The following PRKAG2 variants were observed in gnomAD, a reference collection of about 807,000 sequenced individuals.
The protein encoded by PRKAG2 is 5'-AMP-activated protein kinase subunit gamma-2.
A neutral mutation model predicts 69.6 loss-of-function variants in PRKAG2; 26 were observed. That is an observed-to-expected ratio of 0.37 (90% CI 0.27 to 0.52). The LOEUF is 0.52. Ranked by LOEUF, PRKAG2 falls within the 20% of genes least tolerant of loss-of-function variation. The pLI, the probability that PRKAG2 is intolerant of heterozygous loss-of-function variation, is 0.90. For missense variants in PRKAG2, 557 were observed against 740.0 expected (o/e 0.75, Z 2.87); for synonymous variants, 293 against 285.0 (o/e 1.03, Z -0.28).
intron 6 of PRKAG2, among the ~76,000 whole-genome samples, chr7:151,577,793 T>C (rs1227082747): frequency 6.6e-6 from 1 of 152,042 alleles, no homozygotes; most frequent in Non-Finnish European, 1.5e-5. Flanking sequence ...AACATAATTA[T>C]GATGTTTTCA....
chr7:151,797,227 A>ACCCCCCCCCCCCCCCCC (rs55815832), intron 1 of PRKAG2, among the ~76,000 whole-genome samples: 4 of 132,852 alleles, frequency 3.0e-5, no homozygotes, highest in South Asian at 2.5e-4. Context: ...GCTTCTTGCC[A>ACCCCCCCCCCCCCCCCC]CCCCCCCCAC....
At chr7:151,709,370 T>C (rs1475916491) in intron 3 of PRKAG2, among the ~76,000 whole-genome samples, 1 of 152,126 alleles carries the variant, frequency 6.6e-6, no homozygotes, top group East Asian at 1.9e-4. Flanking sequence ...GACATTGATG[T>C]ATACTATATG....
At chr7:151,566,652 C>T (rs1350185958) in intron 11 of PRKAG2, 1 of 424,934 alleles carries the variant, frequency 2.4e-6, no homozygotes, top group Non-Finnish European at 4.7e-6. Flanking sequence ...TTAGAAGAAA[C>T]AAAATGTTCA....
intron 4 of PRKAG2, among the ~76,000 whole-genome samples, chr7:151,655,618 C>A (rs73158141): frequency 0.021 from 3,190 of 152,162 alleles, 90 homozygotes; most frequent in Non-Finnish European, 0.023. Context: ...AATGAGAGGT[C>A]CCTTGTTCAA....
In PRKAG2 at chr7:151,623,478, G is replaced by T. The variant is rs1585299661; in HGVS notation, c.754+8591C>A. On this transcript the variant is annotated intron_variant, in intron 5 of 15. Coordinates refer to ENST00000287878, the MANE Select transcript of PRKAG2 (RefSeq NM_016203.4). The stretch of plus-strand genomic sequence containing the variant: ...CCTATGAGAATCTAATGCTGCTGTT[G>T]ATCTGATAGGAGGCGGAGCTCGGGA... 2.0e-5 allele frequency among the ~76,000 whole-genome samples: 3 copies of T among 149,112 alleles called. No homozygotes were observed. The East Asian group carries it at 6.3e-4, about 31-fold the overall frequency.
intron 1 of PRKAG2, among the ~76,000 whole-genome samples, chr7:151,820,128 A>T (rs1412581657): frequency 6.6e-6 from 1 of 152,226 alleles, no homozygotes; most frequent in Non-Finnish European, 1.5e-5. Context: ...TCCAGTCTGA[A>T]CAAGCTCGAT....
At chr7:151,716,858 G>T (rs552591455) in intron 3 of PRKAG2, among the ~76,000 whole-genome samples, 15 of 152,292 alleles carry the variant, frequency 9.8e-5, no homozygotes, top group African/African-American at 3.1e-4. Context: ...TACACACCCC[G>T]CACCTTCAGC....
In PRKAG2 at chr7:151,562,244, CAAAAAAAAAAAA is replaced by C. The variant is rs575674668; in HGVS notation, c.1585-1639_1585-1628del. 8.3e-4 allele frequency among the ~76,000 whole-genome samples: 32 copies of C among 38,478 alleles called. No individual in the cohort carries two copies. The Admixed American group carries it at 0.01, about 12-fold the overall frequency. The allele number at this position is 38,478 out of a possible 152,430, so 25.2% of individuals were successfully genotyped here. ...TGGGCGACAGAGTGAGACTTTGTCT[CAAAAAAAAAAAA>C]AAAAAAAAAAAAAAAAAGGCTTCAG... On this transcript the variant is annotated intron_variant, in intron 14 of 15. Transcript: ENST00000287878.
Position 151,632,179 on chromosome 7 carries a change from A to ACGCTCGTCCCCGGCCGG in PRKAG2, c.685-58_685-42dup, listed in dbSNP as rs746083810. ...AGGACAGCGATCAGCATGAGCTGCG[A>ACGCTCGTCCCCGGCCGG]CGCTCGTCCCCGGCCGGCGGGCTCG... is the stretch of plus-strand genomic sequence containing the variant. On this transcript the variant is annotated intron_variant, in intron 4 of 15. Transcript: ENST00000287878. This position sits in a 1 kb window ranked among gnomAD's most constrained non-coding sequence, Gnocchi z 4.2. 1.6e-6 allele frequency: 2 copies of ACGCTCGTCCCCGGCCGG among 1,264,840 alleles called. No individual in the cohort carries two copies. The highest frequency in any genetic ancestry group is 3.5e-5 in the East Asian group (1 of 28,326). The allele number at this position is 1,264,840 out of a possible 1,614,324, so 78.4% of individuals were successfully genotyped here. A position where few individuals can be genotyped will look rare whatever the true frequency, so the allele number is the denominator to read the frequency against.
At chr7:151,677,063 T>C (rs1833061105) in intron 3 of PRKAG2, among the ~76,000 whole-genome samples, 1 of 152,230 alleles carries the variant, frequency 6.6e-6, no homozygotes, top group Non-Finnish European at 1.5e-5. Flanking sequence ...GGGCTAAATT[T>C]TAGTTGTTTT....
In PRKAG2 at chr7:151,699,896, G is replaced by A. The variant is rs538791059; in HGVS notation, c.467-24259C>T. ...ACTGGGGTACATAGCGGAGGAAGAA[G>A]GGAGTAGAGGGGCAGTGCTCTGCTG... On this transcript the variant is annotated intron_variant, in intron 3 of 15. Coordinates refer to ENST00000287878, the MANE Select transcript of PRKAG2 (RefSeq NM_016203.4). The surrounding 1 kb of genome is among the most constrained non-coding windows in gnomAD (Gnocchi z 4.5). 1.5e-4 allele frequency among the ~76,000 whole-genome samples: 23 copies of A among 152,178 alleles called. No individual in the cohort carries two copies. Among genetic ancestry groups the A allele is most frequent in the Non-Finnish European group, 2.8e-4 (19 of 68,036 alleles).
At chr7:151,753,559 G>A (rs1213540967) in intron 3 of PRKAG2, among the ~76,000 whole-genome samples, 1 of 152,092 alleles carries the variant, frequency 6.6e-6, no homozygotes, top group Non-Finnish European at 1.5e-5. Flanking sequence ...GTTTGAAATT[G>A]TCAAAATAAA....
At chr7:151,815,459 C>G (rs2078613887) in intron 1 of PRKAG2, among the ~76,000 whole-genome samples, 1 of 152,194 alleles carries the variant, frequency 6.6e-6, no homozygotes, top group Admixed American at 6.5e-5. Flanking sequence ...CCATCACCCA[C>G]TACCCAAATC....
At chr7:151,717,111 G>A (rs907086842) in intron 3 of PRKAG2, among the ~76,000 whole-genome samples, 1 of 152,240 alleles carries the variant, frequency 6.6e-6, no homozygotes, top group South Asian at 2.1e-4. Flanking sequence ...GTCGAGTTGG[G>A]TGACGCATGC....
At chr7:151,831,851 G>A (rs2079032869) in intron 1 of PRKAG2, among the ~76,000 whole-genome samples, 1 of 152,160 alleles carries the variant, frequency 6.6e-6, no homozygotes, top group Non-Finnish European at 1.5e-5. Context: ...ATCCTGGCAG[G>A]ATCAGAGGCC....
Position 151,562,689 on chromosome 7 carries a change from C to T in PRKAG2, c.1584+1389G>A, listed in dbSNP as rs183345658. On this transcript the variant is annotated intron_variant, in intron 14 of 15. Transcript: ENST00000287878. Reference sequence around the variant, plus strand: ...GTTACATTCAATAGTGGATATTAGCCGGGTGCGGTGGCTCATGCCTGTAAT... The same window carrying T: ...GTTACATTCAATAGTGGATATTAGCTGGGTGCGGTGGCTCATGCCTGTAAT... Among the ~76,000 whole-genome samples, 375 of 152,170 alleles carry T rather than the reference C, an allele frequency of 2.5e-3. 2 individuals are homozygous for T. The highest frequency in any genetic ancestry group is 8.8e-3 in the African/African-American group (364 of 41,506).
At chr7:151,851,425 G>A (rs545257081) in intron 1 of PRKAG2, among the ~76,000 whole-genome samples, 2 of 151,912 alleles carry the variant, frequency 1.3e-5, no homozygotes, top group Non-Finnish European at 2.9e-5. Context: ...TCCCCACCTC[G>A]CTGTGGGCAA....
rs907988453 is a variant in PRKAG2, at chr7:151,586,454, G to C, written c.864+8891C>G. 2.0e-5 allele frequency among the ~76,000 whole-genome samples: 3 copies of C among 151,890 alleles called. No individual in the cohort carries two copies. The East Asian group carries it at 5.8e-4, about 29-fold the overall frequency. On this transcript the variant is annotated intron_variant, in intron 6 of 15. Transcript: ENST00000287878. ...TATCTGCTCTTTCCTTTTATCTCTGGCCTCCGAAATCAGACCTCTTCTCCG... is the reference window on the plus strand; with the variant it reads ...TATCTGCTCTTTCCTTTTATCTCTGCCCTCCGAAATCAGACCTCTTCTCCG...
chr7:151,723,531 C>T (rs892519770), intron 3 of PRKAG2, among the ~76,000 whole-genome samples: 7 of 152,220 alleles, frequency 4.6e-5, no homozygotes, highest in African/African-American at 9.6e-5. Flanking sequence ...GTCTGACGGT[C>T]CTGATGGCTG....
Sources: allele counts gnomAD v4.1 joint callset (sites outside exome capture counted in the v4.1 genomes callset), GRCh38; gene constraint gnomAD v4.1.1; non-coding constraint Gnocchi (gnomAD v3.1); transcripts MANE v1.5; gene names NCBI Gene and HGNC (gene_info 2026-07-23, HGNC 2026-07-21).